Variants in FMN1 observed in about 807,000 individuals in gnomAD.
FMN1 encodes the protein formin-1.
FMN1 carries 110 observed loss-of-function variants against 132.4 expected under a neutral mutation model. That is an observed-to-expected ratio of 0.83 (90% CI 0.71 to 0.97). The LOEUF (loss-of-function observed/expected upper bound fraction) is 0.97, where lower values mean the gene tolerates loss of function less well. Ranked by LOEUF, FMN1 falls within the 50% of genes least tolerant of loss-of-function variation. The pLI, the probability that FMN1 is intolerant of heterozygous loss-of-function variation, is 0.00. For missense variants in FMN1, 1,792 were observed against 1,705.3 expected (o/e 1.05, Z -0.90); for synonymous variants, 722 against 651.7 (o/e 1.11, Z -1.64).
chr15:33,080,766 A>G (rs981685999), intron 5 of FMN1, among the ~76,000 whole-genome samples: 1 of 152,168 alleles, frequency 6.6e-6, no homozygotes, highest in Non-Finnish European at 1.5e-5. Context: ...GCATGCCTGT[A>G]ATCCCAGCTA....
chr15:33,034,675 AT>A (rs34570711), intron 6 of FMN1, among the ~76,000 whole-genome samples: 133,347 of 151,890 alleles, frequency 0.88, 59,164 homozygotes, highest in Non-Finnish European at 0.93. Flanking sequence ...CCAGAATCTG[AT>A]TTTTTTTTTA....
At chr15:32,875,985 C>T (rs2059627574) in intron 16 of FMN1, among the ~76,000 whole-genome samples, 1 of 152,086 alleles carries the variant, frequency 6.6e-6, no homozygotes, top group Admixed American at 6.5e-5. Flanking sequence ...CATATGCCTG[C>T]CCTACTCACT....
chr15:32,927,496 C>T (rs2060990770), intron 9 of FMN1, among the ~76,000 whole-genome samples: 1 of 152,152 alleles, frequency 6.6e-6, no homozygotes, highest in African/African-American at 2.4e-5. Flanking sequence ...TGGGCCCAAG[C>T]CATCCTCCCA....
chr15:33,176,505 C>CA (rs1491458030), intron 3 of FMN1, among the ~76,000 whole-genome samples: 18,715 of 49,164 alleles, frequency 0.38, 2,953 homozygotes, highest in Non-Finnish European at 0.51. Context: ...GACCCTGTCT[C>CA]CAAAAAAAAA....
At chr15:33,039,028 A>G (rs773778925) in intron 6 of FMN1, among the ~76,000 whole-genome samples, 2 of 152,214 alleles carry the variant, frequency 1.3e-5, no homozygotes, top group African/African-American at 4.8e-5. Flanking sequence ...TCCCCAGATT[A>G]TTTTTGTTTC....
At chr15:33,085,674 A>G (rs2038661962) in intron 5 of FMN1, among the ~76,000 whole-genome samples, 1 of 151,720 alleles carries the variant, frequency 6.6e-6, no homozygotes, top group Non-Finnish European at 1.5e-5. Context: ...CAAAAAACCT[A>G]AAAATACTTA....
chr15:32,950,519 A>C (rs557901319), intron 9 of FMN1, among the ~76,000 whole-genome samples: 1 of 152,298 alleles, frequency 6.6e-6, no homozygotes, highest in East Asian at 1.9e-4. Context: ...ATAAAATAAA[A>C]TGAGATCATG....
intron 4 of FMN1, among the ~76,000 whole-genome samples, chr15:33,117,317 G>C (rs1420715879): frequency 6.6e-6 from 1 of 152,142 alleles, no homozygotes; most frequent in Non-Finnish European, 1.5e-5. Context: ...AGACAATGCA[G>C]AAATTCCACA....
chr15:33,091,674 T>C (rs1375516799), intron 4 of FMN1, among the ~76,000 whole-genome samples: 2 of 152,208 alleles, frequency 1.3e-5, no homozygotes, highest in East Asian at 3.8e-4. Flanking sequence ...CACAATGTAT[T>C]TATAAAATAA....
chr15:32,784,414 A>AAAAACAAAAC (rs143041498), intron 19 of FMN1, among the ~76,000 whole-genome samples: 12 of 150,218 alleles, frequency 8.0e-5, no homozygotes, highest in African/African-American at 2.9e-4. Context: ...TCCTAGGGGG[A>AAAAACAAAAC]AAAACAAAAC....
intron 9 of FMN1, among the ~76,000 whole-genome samples, chr15:32,930,844 A>C (rs1403899228): frequency 1.3e-5 from 2 of 152,040 alleles, no homozygotes; most frequent in East Asian, 1.9e-4. Flanking sequence ...TTAAGTTTCT[A>C]ATCTATTTTG....
In FMN1 at chr15:33,158,651, T is replaced by C. The variant is rs974993319; in HGVS notation, c.-131-3606A>G. Among the ~76,000 whole-genome samples the C allele has an allele frequency of 3.3e-5, 5 of 152,184 alleles. No homozygotes were observed. The South Asian group carries it at 1.0e-3, about 32-fold the overall frequency. Reference sequence around the variant, plus strand: ...AAGCAGTATGTTGTAAGAAACTTTGTACTGAACTAGACTAAGGAGTTTCAC... The same window carrying C: ...AAGCAGTATGTTGTAAGAAACTTTGCACTGAACTAGACTAAGGAGTTTCAC... On this transcript the variant is annotated intron_variant, in intron 3 of 20. Transcript: ENST00000616417.
intron 4 of FMN1, among the ~76,000 whole-genome samples, chr15:33,096,970 A>AT (rs1371595874): frequency 1.3e-5 from 2 of 151,752 alleles, no homozygotes; most frequent in Non-Finnish European, 2.9e-5. Context: ...GGCTCTGGTA[A>AT]TTTTTTTCAG....
chr15:32,776,922 G>A lies in FMN1; in HGVS notation c.4131-3C>T. The A allele has an allele frequency of 6.5e-7, 1 of 1,546,540 alleles. No individual in the cohort carries two copies. Among genetic ancestry groups the A allele is most frequent in the South Asian group, 1.2e-5 (1 of 85,694 alleles). On this transcript the variant is annotated splice_polypyrimidine_tract_variant and splice_region_variant and intron_variant, in intron 19 of 20. Coordinates refer to ENST00000616417, the MANE Select transcript of FMN1 (RefSeq NM_001277313.2). ...CTGATTCCTGAGCCATTTTCAATCT[G>A]AAATAGAAATAGGGAAAAGACAGGG...
chr15:33,144,715 G>A (rs1964149831), intron 4 of FMN1, among the ~76,000 whole-genome samples: 1 of 148,858 alleles, frequency 6.7e-6, no homozygotes, highest in South Asian at 2.1e-4. Context: ...TGCTATATAA[G>A]TAAGTGCCTT....
intron 10 of FMN1, among the ~76,000 whole-genome samples, chr15:32,911,831 A>G (rs1375535348): frequency 6.6e-6 from 1 of 152,132 alleles, no homozygotes; most frequent in Non-Finnish European, 1.5e-5. Flanking sequence ...CACAAAGGCC[A>G]ATGTGAAACC....
At chr15:33,057,898 T>C (rs2037292122) in intron 6 of FMN1, among the ~76,000 whole-genome samples, 1 of 144,432 alleles carries the variant, frequency 6.9e-6, no homozygotes, top group African/African-American at 2.4e-5. Flanking sequence ...TCTGAAAGAG[T>C]GTGCTCTATT....
At chr15:32,800,965 T>C (rs1224196296) in intron 18 of FMN1, among the ~76,000 whole-genome samples, 2 of 152,222 alleles carry the variant, frequency 1.3e-5, no homozygotes, top group Non-Finnish European at 2.9e-5. Flanking sequence ...TGAGCATTCA[T>C]GGGGAAGGGA....
chr15:33,170,887 A>G (rs1423357794), intron 3 of FMN1, among the ~76,000 whole-genome samples: 1 of 152,190 alleles, frequency 6.6e-6, no homozygotes, highest in African/African-American at 2.4e-5. Context: ...GTATTTATCC[A>G]AAGGAAAGGA....
Sources: gnomAD v4.1 joint callset for allele counts (sites outside exome capture counted in the v4.1 genomes callset) on GRCh38, gnomAD v4.1.1 for gene constraint, MANE v1.5 for transcripts, NCBI Gene and HGNC (gene_info 2026-07-23, HGNC 2026-07-21) for gene names.